Variants in CACNA2D4 observed in about 807,000 individuals in gnomAD.
CACNA2D4 encodes the protein voltage-dependent calcium channel subunit alpha-2/delta-4.
In CACNA2D4, 157 loss-of-function variants were observed where a neutral mutation model predicts 163.8. That is an observed-to-expected ratio of 0.96 (90% CI 0.84 to 1.09). CACNA2D4 has a LOEUF of 1.09. CACNA2D4 is among the 50% of genes least tolerant of loss of function. The probability of loss-of-function intolerance (pLI) is 0.00; values close to 1 mark genes in which losing one functional copy is unlikely to be tolerated. For synonymous variants in CACNA2D4, 598 were observed against 586.9 expected, an observed-to-expected ratio of 1.02 and a Z score of -0.27; for missense variants, 1,410 against 1,479.9, an observed-to-expected ratio of 0.95 and a Z score of 0.78.
chr12:1,831,217 A>G (rs146826101), intron 26 of CACNA2D4: 2 of 1,613,732 alleles, frequency 1.2e-6, no homozygotes, highest in African/African-American at 2.7e-5. Context: ...GACCTGACGA[A>G]TCTGACTGAG....
intron 16 of CACNA2D4, among the ~76,000 whole-genome samples, chr12:1,876,417 T>G (rs902981440): frequency 6.6e-6 from 1 of 152,218 alleles, no homozygotes; most frequent in African/African-American, 2.4e-5. Context: ...GTCACCAAGT[T>G]ATCTATGATT....
chr12:1,835,528 G>A (rs1445899554), intron 26 of CACNA2D4: 1 of 152,574 alleles, frequency 6.6e-6, no homozygotes, highest in South Asian at 2.1e-4. Context: ...TGAGACCACA[G>A]AGCCTCTCGC....
Position 1,874,714 on chromosome 12 carries a change from A to AC in CACNA2D4, c.1807-40dup. On this transcript the variant is annotated intron_variant, in intron 17 of 37. Transcript: ENST00000382722. This position sits in a 1 kb window ranked among gnomAD's most constrained non-coding sequence, Gnocchi z 4.4. ...GACAATGGCATTAGTTCCTTGGCTC[A>AC]CAGGGGATGGTGAAAGTATGGCATT... 3 of 1,431,602 alleles carry AC rather than the reference A, an allele frequency of 2.1e-6. No homozygotes were observed. Among genetic ancestry groups the AC allele is most frequent in the Non-Finnish European group, 3.0e-6 (3 of 1,014,280 alleles). 88.7% of individuals were successfully genotyped at this position (1,431,602 alleles called of 1,614,324 possible).
intron 19 of CACNA2D4, 28 bp downstream of exon 19, chr12:1,860,117 C>T: frequency 6.3e-7 from 1 of 1,586,816 alleles, no homozygotes; most frequent in Non-Finnish European, 8.7e-7. Context: ...AACCCTCACC[C>T]CGTGCAAATA....
At chr12:1,893,315 A>C (rs1412960153) in intron 6 of CACNA2D4, among the ~76,000 whole-genome samples, 1 of 152,128 alleles carries the variant, frequency 6.6e-6, no homozygotes, top group Non-Finnish European at 1.5e-5. Context: ...CAGGAGTTGA[A>C]GATCAGCCTG....
chr12:1,825,155 T>G (rs572480385), intron 26 of CACNA2D4, among the ~76,000 whole-genome samples: 1 of 152,316 alleles, frequency 6.6e-6, no homozygotes, highest in African/African-American at 2.4e-5. Context: ...AGATGGGACC[T>G]CCAGACCTGC....
chr12:1,797,871 G>T (rs1863183622), intron 34 of CACNA2D4, among the ~76,000 whole-genome samples: 1 of 152,194 alleles, frequency 6.6e-6, no homozygotes, highest in Admixed American at 6.5e-5. Flanking sequence ...CCGGGGGAGG[G>T]TCTGAGCGGG....
rs1291047332 is a variant in CACNA2D4, at chr12:1,811,676, C to G, written c.2599G>C (p.Ala867Pro). 2 of 1,560,054 alleles carry G rather than the reference C, an allele frequency of 1.3e-6. No individual in the cohort carries two copies. The part of the protein sequence containing the change: ...KLEFLQRKFW[A>P]ATRQCSTVDG... Reference sequence around the variant, plus strand: ...ATCACACCTACCTGCCGCGTTGCCGCCCAGAATTTGCGCTGGAGGAATTCC... The same window carrying G: ...ATCACACCTACCTGCCGCGTTGCCGGCCAGAATTTGCGCTGGAGGAATTCC... The change falls in exon 27 of 38, where the codon GCG becomes CCG. Residue 867 changes from alanine (A) to proline (P), a missense_variant. Ala to Pro is a conservative substitution (Grantham distance 27). Transcript: ENST00000382722.
chr12:1,796,869 C>T (rs1296307194), intron 35 of CACNA2D4, among the ~76,000 whole-genome samples: 2 of 152,180 alleles, frequency 1.3e-5, no homozygotes, highest in African/African-American at 4.8e-5. Flanking sequence ...CCTGCCTCCC[C>T]GGGGCCAGGG....
intron 6 of CACNA2D4, among the ~76,000 whole-genome samples, chr12:1,903,654 C>A (rs968803596): frequency 6.6e-6 from 1 of 151,874 alleles, no homozygotes; most frequent in African/African-American, 2.4e-5. Flanking sequence ...AAACACAAAT[C>A]AAAACTACAA....
Position 1,869,973 on chromosome 12 carries a change from G to A in CACNA2D4, c.1878+4631C>T, listed in dbSNP as rs1865735159. ...TTTGAAGGTGTTTTTGTATTAAGCA[G>A]TAGTTAAATGATGGGTTGATAAGAA... On this transcript the variant is annotated intron_variant, in intron 18 of 37. Transcript: ENST00000382722. This position sits in a 1 kb window ranked among gnomAD's most constrained non-coding sequence, Gnocchi z 4.7. Among the ~76,000 whole-genome samples, 3 of 152,216 alleles carry A rather than the reference G, an allele frequency of 2.0e-5. No homozygotes were observed. The highest frequency in any genetic ancestry group is 7.2e-5 in the African/African-American group (3 of 41,448).
At chr12:1,862,785 G>C (rs956023361) in intron 18 of CACNA2D4, among the ~76,000 whole-genome samples, 6 of 152,198 alleles carry the variant, frequency 3.9e-5, no homozygotes, top group African/African-American at 1.4e-4. Flanking sequence ...CCTTTACGAA[G>C]TGTCTGCTCA....
chr12:1,860,244 A>C (rs1362797660), intron 18 of CACNA2D4, 38 bp from the exon 19 acceptor site: 2 of 1,564,864 alleles, frequency 1.3e-6, no homozygotes, highest in Admixed American at 3.4e-5. Context: ...TCACGCAGAG[A>C]AGAGCGGCCC....
chr12:1,819,586 G>A (rs557420913), intron 26 of CACNA2D4, among the ~76,000 whole-genome samples: 10 of 152,176 alleles, frequency 6.6e-5, no homozygotes, highest in Non-Finnish European at 1.3e-4. Flanking sequence ...TTTAGGGTTC[G>A]TGCTCCAGGC....
rs1392695595 is a variant in CACNA2D4 at position 1,799,293 on chromosome 12, T to A, written c.2995+382A>T. Among the ~76,000 whole-genome samples, 1 of 152,152 alleles carries A rather than the reference T, an allele frequency of 6.6e-6. No individual in the cohort carries two copies. The highest frequency in any genetic ancestry group is 1.5e-5 in the Non-Finnish European group (1 of 68,024). ...CAGGGGAATCATCCTGAGAGCTTCCTGGGGCCCCTGGAACCCGGAGTCCCG... is the reference window on the plus strand; with the variant it reads ...CAGGGGAATCATCCTGAGAGCTTCCAGGGGCCCCTGGAACCCGGAGTCCCG... On this transcript the variant is annotated intron_variant, in intron 34 of 37. Transcript: ENST00000382722. The surrounding 1 kb of genome is among the most constrained non-coding windows in gnomAD (Gnocchi z 4.7).
chr12:1,854,097 A>C (rs1049905874), intron 22 of CACNA2D4, 53 bp from the exon 23 acceptor site: 3 of 1,330,744 alleles, frequency 2.3e-6, no homozygotes, highest in Non-Finnish European at 2.1e-6. Flanking sequence ...ATGCTCATGA[A>C]CACAACTCTC....
Position 1,882,939 on chromosome 12 carries a change from G to T in CACNA2D4, c.1413C>A (p.His471Gln), listed in dbSNP as rs78872077. The change falls in exon 13 of 38, where the codon CAC becomes CAA. Residue 471 changes from histidine to glutamine, a missense_variant. His to Gln is a conservative substitution (Grantham distance 24). Transcript: ENST00000382722. ...DTQENVMEYL[H>Q]VLSRPMVINH... is the part of the protein sequence containing the mutation. ...TGATGACCATGGGGCGGCTGAGCAC[G>T]TGCAGGTATTCCATCACGTTCTCCT... 3 of 1,613,550 alleles carry T rather than the reference G, an allele frequency of 1.9e-6. No individual in the cohort carries two copies. In the African/African-American group the frequency reaches 4.0e-5, roughly 22 times the overall value.
rs1185813789 is a variant in CACNA2D4, at chr12:1,828,349, C to T, written c.2551+12390G>A. On this transcript the variant is annotated intron_variant, in intron 26 of 37. Coordinates refer to ENST00000382722, the MANE Select transcript of CACNA2D4 (RefSeq NM_172364.5). The surrounding 1 kb of genome is among the most constrained non-coding windows in gnomAD (Gnocchi z 4.2). Reference sequence around the variant, plus strand: ...CTACGCCAGATCTTCCTGGGGTACCCGAGGCTATGTTCTGGGAAGCCAGGG... The same window carrying T: ...CTACGCCAGATCTTCCTGGGGTACCTGAGGCTATGTTCTGGGAAGCCAGGG... 18 of 728,762 alleles carry T rather than the reference C, an allele frequency of 2.5e-5. No individual in the cohort carries two copies. The highest frequency in any genetic ancestry group is 9.2e-5 in the African/African-American group (5 of 54,448). The allele number at this position is 728,762 out of a possible 1,614,324, so 45.1% of individuals were successfully genotyped here.
chr12:1,810,369 G>A, intron 28 of CACNA2D4, 29 bp from the exon 29 acceptor site: 4 of 1,606,608 alleles, frequency 2.5e-6, no homozygotes, highest in Non-Finnish European at 3.4e-6. Context: ...GGGAGGTTAT[G>A]CCAGGGCCCT....
Sources: allele counts gnomAD v4.1 joint callset (sites outside exome capture counted in the v4.1 genomes callset), GRCh38; gene constraint gnomAD v4.1.1; non-coding constraint Gnocchi (gnomAD v3.1); transcripts MANE v1.5; gene names NCBI Gene and HGNC (gene_info 2026-07-23, HGNC 2026-07-21).